Variants in TMEM45B observed in about 807,000 individuals in gnomAD.
TMEM45B encodes transmembrane protein 45B.
Under a neutral mutation model 27.3 loss-of-function variants are expected in TMEM45B, and 29 were observed. The observed-to-expected ratio is 1.06, with a 90% CI of 0.79 to 1.45. TMEM45B has a LOEUF of 1.45. Among genes scored for constraint, TMEM45B ranks in the 40% most tolerant of loss-of-function variants. The pLI is 0.00. For synonymous variants in TMEM45B, 143 were observed against 134.7 expected (o/e 1.06, Z -0.43); for missense variants, 348 against 343.9 (o/e 1.01, Z -0.09).
chr11:129,858,727 A>G lies in TMEM45B; in HGVS notation c.*42A>G. On this transcript the variant is annotated 3_prime_UTR_variant, in exon 6 of 6. Coordinates refer to ENST00000281441, the MANE Select transcript of TMEM45B (RefSeq NM_138788.5). ...CGCAGATGTCCCACTGCACAGCTGGAATGAATGGAGTTCATCCCCTCCACC... is the reference window on the plus strand; with the variant it reads ...CGCAGATGTCCCACTGCACAGCTGGGATGAATGGAGTTCATCCCCTCCACC... 2.8e-6 allele frequency: 4 copies of G among 1,421,724 alleles called. No individual in the cohort carries two copies. Among genetic ancestry groups the G allele is most frequent in the Non-Finnish European group, 2.9e-6 (3 of 1,032,396 alleles). The allele number at this position is 1,421,724 out of a possible 1,614,324, so 88.1% of individuals were successfully genotyped here. A position where few individuals can be genotyped will look rare whatever the true frequency, so the allele number is the denominator to read the frequency against.
chr11:129,851,660 T>C (rs1947848766), intron 1 of TMEM45B, among the ~76,000 whole-genome samples: 2 of 151,562 alleles, frequency 1.3e-5, no homozygotes, highest in South Asian at 4.2e-4. Context: ...TCTCCCACCC[T>C]ACATATTCTT....
intron 1 of TMEM45B, among the ~76,000 whole-genome samples, chr11:129,850,149 G>GTT (rs775617921): frequency 0.027 from 3,876 of 142,434 alleles, 158 homozygotes; most frequent in African/African-American, 0.096. Context: ...CTTTTCTCAC[G>GTT]TTTTTTTTTT....
chr11:129,818,270 C>T (rs1313038320), intron 1 of TMEM45B, among the ~76,000 whole-genome samples: 3 of 152,204 alleles, frequency 2.0e-5, no homozygotes, highest in African/African-American at 7.2e-5. Flanking sequence ...CCACAAGCTA[C>T]ACTACTGGAG....
At chr11:129,837,118 T>G (rs1251753895) in intron 1 of TMEM45B, among the ~76,000 whole-genome samples, 1 of 151,950 alleles carries the variant, frequency 6.6e-6, no homozygotes, top group Non-Finnish European at 1.5e-5. Flanking sequence ...AGCCCTTTAG[T>G]CCTGAAGGGA....
At chr11:129,832,448 G>A (rs1591438544) in intron 1 of TMEM45B, among the ~76,000 whole-genome samples, 1 of 152,284 alleles carries the variant, frequency 6.6e-6, no homozygotes, top group East Asian at 1.9e-4. Flanking sequence ...CTGAGGGAAA[G>A]AGGCTGCCTC....
At chr11:129,855,581 C>A in intron 3 of TMEM45B, 127 bp from the exon 4 acceptor site, 1 of 842,728 alleles carries the variant, frequency 1.2e-6, no homozygotes, top group Non-Finnish European at 1.9e-6. Context: ...CATCTGTTTG[C>A]TGCCTGTAAT....
chr11:129,853,719 G>A (rs1284860401), intron 2 of TMEM45B, among the ~76,000 whole-genome samples: 1 of 152,154 alleles, frequency 6.6e-6, no homozygotes, highest in Admixed American at 6.5e-5. Context: ...CTGTCACAGG[G>A]CTTCCATTCT....
chr11:129,830,763 C>G (rs1432612317), intron 1 of TMEM45B, among the ~76,000 whole-genome samples: 1 of 152,158 alleles, frequency 6.6e-6, no homozygotes. Flanking sequence ...CCACTTCATA[C>G]CCACTAGAAT....
At chr11:129,823,586 A>G (rs1218196523) in intron 1 of TMEM45B, among the ~76,000 whole-genome samples, 1 of 152,086 alleles carries the variant, frequency 6.6e-6, no homozygotes, top group Non-Finnish European at 1.5e-5. Context: ...AGCCCTTCCT[A>G]CCTGTCCCCT....
intron 1 of TMEM45B, among the ~76,000 whole-genome samples, chr11:129,827,313 C>G (rs1206490709): frequency 2.0e-5 from 3 of 152,306 alleles, no homozygotes; most frequent in African/African-American, 4.8e-5. Flanking sequence ...TACTACACAT[C>G]TAGGCTATGC....
At chr11:129,852,405 T>A (rs1947859768) in intron 1 of TMEM45B, 70 bp from the exon 2 acceptor site, 1 of 1,408,934 alleles carries the variant, frequency 7.1e-7, no homozygotes, top group African/African-American at 1.4e-5. Context: ...ACGTATTGTG[T>A]TTCCTGCCAA....
At position 129,856,963 on chromosome 11, in the gene TMEM45B, C is replaced by G. The variant is rs562994481; in HGVS notation, c.571-350C>G. 1.9e-3 allele frequency among the ~76,000 whole-genome samples: 287 copies of G among 151,854 alleles called. 1 individual carries two copies. The highest frequency in any genetic ancestry group is 6.2e-3 in the African/African-American group (257 of 41,358). On this transcript the variant is annotated intron_variant, in intron 4 of 5. Coordinates refer to ENST00000281441, the MANE Select transcript of TMEM45B (RefSeq NM_138788.5). ...CGCCTCCCAGGTTCAAGCAATTCTC[C>G]TGCCTCAGCCTCCCAGTTAGCTAGG...
At chr11:129,816,506 C>T (rs746363029) in intron 1 of TMEM45B, among the ~76,000 whole-genome samples, 2 of 152,042 alleles carry the variant, frequency 1.3e-5, no homozygotes, top group South Asian at 4.1e-4. Context: ...GCTTAGCTTC[C>T]GTTAATGGAG....
At chr11:129,833,258 T>TAA (rs369640189) in intron 1 of TMEM45B, among the ~76,000 whole-genome samples, 9 of 131,704 alleles carry the variant, frequency 6.8e-5, no homozygotes, top group African/African-American at 8.9e-5. Flanking sequence ...AACAGAAAAA[T>TAA]AAAAAAAAAA....
intron 1 of TMEM45B, 85 bp from the exon 2 acceptor site, chr11:129,852,390 C>T: frequency 8.2e-7 from 1 of 1,215,498 alleles, no homozygotes; most frequent in Non-Finnish European, 1.2e-6. Flanking sequence ...TTTGCAATCT[C>T]AGGCACGTAT....
intron 1 of TMEM45B, among the ~76,000 whole-genome samples, chr11:129,848,935 T>C (rs1947806050): frequency 6.6e-6 from 1 of 152,164 alleles, no homozygotes; most frequent in African/African-American, 2.4e-5. Context: ...GGAACCTTCA[T>C]GGCTTAATCA....
intron 1 of TMEM45B, among the ~76,000 whole-genome samples, chr11:129,851,341 C>T (rs974357702): frequency 2.0e-5 from 3 of 151,408 alleles, no homozygotes; most frequent in Non-Finnish European, 2.9e-5. Flanking sequence ...GTCAGGAGTT[C>T]GAGAAAAGCC....
chr11:129,842,177 G>A lies in TMEM45B; in HGVS notation c.-8-10298G>A, dbSNP rs115881868. On this transcript the variant is annotated intron_variant, in intron 1 of 5. Coordinates refer to ENST00000281441, the MANE Select transcript of TMEM45B (RefSeq NM_138788.5). ...ATGAACAGACCTTCAGACACACATG[G>A]GATGATGCTCAATGTCCCCACATAC... 2.9e-3 allele frequency among the ~76,000 whole-genome samples: 435 copies of A among 152,268 alleles called. 1 individual carries two copies. The highest frequency in any genetic ancestry group is 8.4e-3 in the African/African-American group (350 of 41,560).
intron 1 of TMEM45B, among the ~76,000 whole-genome samples, chr11:129,826,278 G>A (rs541977835): frequency 7.2e-4 from 109 of 152,050 alleles, no homozygotes; most frequent in African/African-American, 2.4e-3. Context: ...GGCCGGGCGC[G>A]GTGGCTCACG....
Sources: allele counts gnomAD v4.1 joint callset (sites outside exome capture counted in the v4.1 genomes callset), GRCh38; gene constraint gnomAD v4.1.1; transcripts MANE v1.5; gene names NCBI Gene and HGNC (gene_info 2026-07-23, HGNC 2026-07-21).